Variants in RASAL2 observed in about 807,000 individuals in gnomAD.
The protein encoded by RASAL2 is ras GTPase-activating protein nGAP.
A neutral mutation model predicts 128.9 loss-of-function variants in RASAL2; 58 were observed. That is an observed-to-expected ratio of 0.45 (90% CI 0.36 to 0.56). The LOEUF (loss-of-function observed/expected upper bound fraction) is 0.56, where lower values mean the gene tolerates loss of function less well. Among genes scored for constraint, RASAL2 ranks in the 20% least tolerant of loss-of-function variants. The pLI, the probability that RASAL2 is intolerant of heterozygous loss-of-function variation, is 0.00. For missense variants in RASAL2, 1,360 were observed against 1,601.6 expected (o/e 0.85, Z 2.57); for synonymous variants, 561 against 580.8 (o/e 0.97, Z 0.49).
chr1:178,447,111 A>G (rs1677054681), intron 9 of RASAL2, among the ~76,000 whole-genome samples: 1 of 152,216 alleles, frequency 6.6e-6, no homozygotes, highest in Non-Finnish European at 1.5e-5. Context: ...CTGGAGAGCC[A>G]CTGAAAGTTT....
At chr1:178,240,669 T>C (rs2102050179) in intron 1 of RASAL2, among the ~76,000 whole-genome samples, 1 of 151,880 alleles carries the variant, frequency 6.6e-6, no homozygotes. Flanking sequence ...AAATAAACTT[T>C]TTAGTCTTTT....
intron 3 of RASAL2, among the ~76,000 whole-genome samples, chr1:178,330,191 T>A (rs1669227219): frequency 6.6e-6 from 1 of 152,204 alleles, no homozygotes; most frequent in Non-Finnish European, 1.5e-5. Context: ...GCACAAATCT[T>A]TTCTCAAAAT....
chr1:178,348,953 C>A (rs1670298978), intron 3 of RASAL2, among the ~76,000 whole-genome samples: 1 of 151,658 alleles, frequency 6.6e-6, no homozygotes, highest in Non-Finnish European at 1.5e-5. Context: ...GTGCCTGCCA[C>A]CATGCCTGGC....
At chr1:178,270,358 T>A (rs983952888) in intron 1 of RASAL2, among the ~76,000 whole-genome samples, 1 of 152,102 alleles carries the variant, frequency 6.6e-6, no homozygotes, top group African/African-American at 2.4e-5. Context: ...TCAGTTTACC[T>A]TTTTCTTTTC....
At chr1:178,397,677 T>G (rs9661100) in intron 4 of RASAL2, among the ~76,000 whole-genome samples, 52,101 of 151,712 alleles carry the variant, frequency 0.34, 12,701 homozygotes, top group African/African-American at 0.69. Flanking sequence ...TGGCACAATC[T>G]TGGCTCACTG....
chr1:178,397,633 A>G (rs1368690357), intron 4 of RASAL2, among the ~76,000 whole-genome samples: 13 of 151,386 alleles, frequency 8.6e-5, no homozygotes, highest in Admixed American at 3.3e-4. Context: ...TTTTTTAGAT[A>G]GGGTCTCGCT....
chr1:178,232,879 G>A (rs1350319070), intron 1 of RASAL2, among the ~76,000 whole-genome samples: 1 of 152,022 alleles, frequency 6.6e-6, no homozygotes, highest in African/African-American at 2.4e-5. Context: ...GCTATCATTT[G>A]CATGGTGAAC....
At chr1:178,403,856 G>A (rs1673806566) in intron 4 of RASAL2, among the ~76,000 whole-genome samples, 1 of 152,004 alleles carries the variant, frequency 6.6e-6, no homozygotes, top group African/African-American at 2.4e-5. Context: ...TTTAATAATT[G>A]CGTGACAAAA....
intron 1 of RASAL2, among the ~76,000 whole-genome samples, chr1:178,215,017 G>A (rs1663381437): frequency 6.6e-6 from 1 of 152,234 alleles, no homozygotes; most frequent in African/African-American, 2.4e-5. Flanking sequence ...CTGTAGTACA[G>A]ATGTTTTCAA....
chr1:178,106,085 T>C (rs1209697510), intron 1 of RASAL2, among the ~76,000 whole-genome samples: 1 of 152,176 alleles, frequency 6.6e-6, no homozygotes, highest in Non-Finnish European at 1.5e-5. Flanking sequence ...TTGTTAGGAG[T>C]TAATCTATAA....
At chr1:178,188,221 T>A (rs1662373715) in intron 1 of RASAL2, among the ~76,000 whole-genome samples, 1 of 152,180 alleles carries the variant, frequency 6.6e-6, no homozygotes, top group African/African-American at 2.4e-5. Context: ...AACTCCCTTT[T>A]CTTTGGTATT....
intron 3 of RASAL2, among the ~76,000 whole-genome samples, chr1:178,331,330 C>T (rs377431823): frequency 3.9e-5 from 6 of 152,308 alleles, no homozygotes; most frequent in African/African-American, 1.4e-4. Flanking sequence ...CAGCACCACA[C>T]GTGACTAAGA....
At chr1:178,242,485 CATCTCTCTCTCTTGT>C (rs1664559304) in intron 1 of RASAL2, among the ~76,000 whole-genome samples, 1 of 84,732 alleles carries the variant, frequency 1.2e-5, no homozygotes, top group Admixed American at 1.3e-4. Context: ...CTCTCTCTTT[CATCTCTCTCTCTTGT>C]CTCTCTCTCT....
At chr1:178,141,966 C>T (rs1247747635) in intron 1 of RASAL2, among the ~76,000 whole-genome samples, 3 of 151,980 alleles carry the variant, frequency 2.0e-5, no homozygotes, top group African/African-American at 4.8e-5. Context: ...CATAGGAGCT[C>T]TTGGTAAGGG....
At chr1:178,134,514 A>T (rs1246224781) in intron 1 of RASAL2, among the ~76,000 whole-genome samples, 1 of 151,482 alleles carries the variant, frequency 6.6e-6, no homozygotes, top group African/African-American at 2.4e-5. Context: ...GAAGCCTGCT[A>T]TAGGGGCAGG....
chr1:178,458,297 G>A lies in RASAL2; in HGVS notation c.3005G>A (p.Arg1002Gln), dbSNP rs759423656. The change falls in exon 14 of 18, where the codon CGA becomes CAA. Residue 1002 changes from arginine (R) to glutamine (Q), a missense_variant. This residue lies in a region of RASAL2 where 741 missense variants were observed against 868.6 expected (regional missense o/e 0.85). Transcript: ENST00000367649. ...PDRHIPLALP[R>Q]QNSTGQAQIR... ...AGACACATACCTCTTGCTTTGCCAC[G>A]ACAAAATAGTACTGGGCAGGCCCAG... 15 of 1,614,104 alleles carry A rather than the reference G, an allele frequency of 9.3e-6. No homozygotes were observed. The highest frequency in any genetic ancestry group is 2.2e-5 in the South Asian group (2 of 91,082).
chr1:178,459,577 T>C (rs1249743502), intron 14 of RASAL2, among the ~76,000 whole-genome samples: 1 of 152,198 alleles, frequency 6.6e-6, no homozygotes, highest in Admixed American at 6.5e-5. Flanking sequence ...ATTTTTACAG[T>C]TTAGGCACTT....
At chr1:178,301,844 TTA>T (rs912900233) in intron 3 of RASAL2, among the ~76,000 whole-genome samples, 2 of 152,190 alleles carry the variant, frequency 1.3e-5, no homozygotes, top group African/African-American at 4.8e-5. Flanking sequence ...TATTGCAGTG[TTA>T]TAGAAGAGAG....
In RASAL2 at chr1:178,465,956, A is replaced by G. The variant is rs1647636135; in HGVS notation, c.3424A>G (p.Arg1142Gly). 2.6e-6 allele frequency: 4 copies of G among 1,555,228 alleles called. No individual in the cohort carries two copies. Among genetic ancestry groups the G allele is most frequent in the Admixed American group, 1.9e-5 (1 of 51,546 alleles). Residue 1142 changes from arginine (R) to glycine (G), a missense_variant, in exon 16 of 18, where the codon AGA becomes GGA. Arg to Gly is a moderately radical substitution (Grantham distance 125). This residue lies in a region of RASAL2 where 741 missense variants were observed against 868.6 expected (regional missense o/e 0.85). Coordinates refer to ENST00000367649, the MANE Select transcript of RASAL2 (RefSeq NM_170692.4). ...AATTACTAAACTGAAGGAGCGCCTG[A>G]GAGTTTCCAGCCGGCGACTGGAGGA... ...QEITKLKERL[R>G]VSSRRLEEYE...
Sources: allele counts gnomAD v4.1 joint callset (sites outside exome capture counted in the v4.1 genomes callset), GRCh38; gene constraint gnomAD v4.1.1; regional missense constraint gnomAD v4.1.1; transcripts MANE v1.5; gene names NCBI Gene and HGNC (gene_info 2026-07-23, HGNC 2026-07-21).